Variants in LNX1 observed in about 807,000 individuals in gnomAD.
LNX1 encodes E3 ubiquitin-protein ligase LNX.
In LNX1, 54 loss-of-function variants were observed where a neutral mutation model predicts 68.4. The observed-to-expected ratio is 0.79, with a 90% CI of 0.63 to 0.99. The LOEUF is 0.99. Ranked by LOEUF, LNX1 falls within the 50% of genes least tolerant of loss-of-function variation. The pLI, the probability that LNX1 is intolerant of heterozygous loss-of-function variation, is 0.00. For synonymous variants in LNX1, 336 were observed against 350.0 expected (o/e 0.96, Z 0.45); for missense variants, 906 against 926.4 (o/e 0.98, Z 0.29).
At chr4:53,611,360 T>G (rs1408847032) in intron 2 of LNX1, among the ~76,000 whole-genome samples, 1 of 152,286 alleles carries the variant, frequency 6.6e-6, no homozygotes, top group East Asian at 1.9e-4. Context: ...TTTTCTTGGA[T>G]AGGAAAATTC....
intron 1 of LNX1, among the ~76,000 whole-genome samples, chr4:53,649,483 A>C (rs955599551): frequency 2.6e-5 from 4 of 152,206 alleles, no homozygotes; most frequent in African/African-American, 4.8e-5. Context: ...CTGGCTCCAG[A>C]GCTCTTGTCC....
chr4:53,610,655 C>T (rs1733445925), intron 2 of LNX1, among the ~76,000 whole-genome samples: 5 of 143,576 alleles, frequency 3.5e-5, no homozygotes, highest in African/African-American at 1.3e-4. Flanking sequence ...CTGCAGTGAG[C>T]CGAGATCGCA....
At chr4:53,486,428 C>T (rs1342703966) in intron 6 of LNX1, among the ~76,000 whole-genome samples, 1 of 152,318 alleles carries the variant, frequency 6.6e-6, no homozygotes, top group East Asian at 1.9e-4. Flanking sequence ...GGTTCTGATG[C>T]CATCCATATT....
intron 1 of LNX1, among the ~76,000 whole-genome samples, chr4:53,586,983 T>C (rs1193495329): frequency 6.6e-6 from 1 of 152,164 alleles, no homozygotes; most frequent in Non-Finnish European, 1.5e-5. Context: ...ACACAAATCC[T>C]CTTTGTCATT....
At chr4:53,498,570 T>C (rs1366854156) in intron 5 of LNX1, 71 bp downstream of exon 5, 4 of 1,055,964 alleles carry the variant, frequency 3.8e-6, no homozygotes, top group Non-Finnish European at 5.9e-6. Flanking sequence ...CATCCATCTA[T>C]CCAATTGTTT....
chr4:53,581,899 C>T (rs1213932659), intron 1 of LNX1, among the ~76,000 whole-genome samples: 2 of 152,208 alleles, frequency 1.3e-5, no homozygotes, highest in East Asian at 1.9e-4. Context: ...CTTTAGCTTA[C>T]TGATCTTGTC....
chr4:53,502,538 A>G (rs1725582584), intron 4 of LNX1, among the ~76,000 whole-genome samples: 1 of 152,184 alleles, frequency 6.6e-6, no homozygotes, highest in South Asian at 2.1e-4. Context: ...TCTTGCCTTG[A>G]TGTTGATGGC....
intron 1 of LNX1, among the ~76,000 whole-genome samples, chr4:53,583,442 T>C (rs566966952): frequency 2.0e-5 from 3 of 152,358 alleles, no homozygotes; most frequent in Admixed American, 1.3e-4. Context: ...TGGTTAGCTC[T>C]GCTTCTGCTT....
intron 2 of LNX1, among the ~76,000 whole-genome samples, chr4:53,512,921 A>C (rs1726461865): frequency 6.6e-6 from 1 of 152,070 alleles, no homozygotes. Flanking sequence ...CTCCCTGAGC[A>C]CTCGGGTGAG....
intron 1 of LNX1, among the ~76,000 whole-genome samples, chr4:53,643,455 C>A (rs1030437838): frequency 5.9e-5 from 9 of 151,980 alleles, no homozygotes; most frequent in South Asian, 2.1e-4. Flanking sequence ...GGTCAAGAAA[C>A]CTTGGTCTTT....
chr4:53,468,994 T>C (rs559893103), intron 9 of LNX1, among the ~76,000 whole-genome samples: 1 of 152,270 alleles, frequency 6.6e-6, no homozygotes, highest in Non-Finnish European at 1.5e-5. Flanking sequence ...GCAGACCTAA[T>C]AGACATCTAC....
rs1043682444 is a variant in LNX1 at position 53,575,462 on chromosome 4, G to A, written c.-86-1374C>T. On this transcript the variant is annotated intron_variant, in intron 1 of 10. Coordinates refer to ENST00000263925, the MANE Select transcript of LNX1 (RefSeq NM_001126328.3). ...CTGAGCTAGGTCATGAGTTTGATATGCAGACCTTTGAGAGAGACTTAAAGG... is the reference window on the plus strand; with the variant it reads ...CTGAGCTAGGTCATGAGTTTGATATACAGACCTTTGAGAGAGACTTAAAGG... 6.2e-6 allele frequency: 6 copies of A among 973,432 alleles called. No individual in the cohort carries two copies. The African/African-American group carries it at 8.8e-5, about 14-fold the overall frequency. 60.3% of individuals were successfully genotyped at this position (973,432 alleles called of 1,614,324 possible).
intron 2 of LNX1, among the ~76,000 whole-genome samples, chr4:53,613,557 T>C (rs1733574665): frequency 6.6e-6 from 1 of 152,074 alleles, no homozygotes; most frequent in Non-Finnish European, 1.5e-5. Context: ...TCCAATGCGG[T>C]ATTTGGTTTT....
chr4:53,507,986 C>T lies in LNX1; in HGVS notation c.622G>A (p.Ala208Thr). 2 of 1,613,308 alleles carry T rather than the reference C, an allele frequency of 1.2e-6. No homozygotes were observed. The highest frequency in any genetic ancestry group is 1.3e-5 in the African/African-American group (1 of 75,022). Residue 208 changes from alanine to threonine, a missense_variant and splice_region_variant, in exon 3 of 11, where the codon GCA becomes ACA. Physicochemically the swap from Ala to Thr is moderately conservative, Grantham distance 58. Transcript: ENST00000263925. ...CCGGACAACCACCCATTTGACTCAC[C>T]CCTAGTTCGGTTGCTCCGGCCAGAG... ...VDSGRSNRTR[A>T]RPFERSTIRS...
chr4:53,645,007 C>G (rs140334180), intron 1 of LNX1, among the ~76,000 whole-genome samples: 1 of 152,262 alleles, frequency 6.6e-6, no homozygotes, highest in East Asian at 1.9e-4. Context: ...TTGCCAACAG[C>G]AGGAGAGTGA....
chr4:53,636,666 A>C (rs1734492573), intron 1 of LNX1, among the ~76,000 whole-genome samples: 1 of 152,076 alleles, frequency 6.6e-6, no homozygotes, highest in East Asian at 1.9e-4. Flanking sequence ...ACTTACTTTG[A>C]TAGTAATTTG....
intron 2 of LNX1, among the ~76,000 whole-genome samples, chr4:53,569,608 G>A (rs1395913981): frequency 6.7e-6 from 1 of 149,832 alleles, no homozygotes; most frequent in Non-Finnish European, 1.5e-5. Context: ...CATGGGCAAG[G>A]ACTTCATGTT....
intron 2 of LNX1, among the ~76,000 whole-genome samples, chr4:53,527,061 A>AAC (rs1367146638): frequency 1.3e-5 from 2 of 151,238 alleles, no homozygotes; most frequent in Non-Finnish European, 3.0e-5. Context: ...TAAAAAAAAA[A>AAC]AAAAAAAAAA....
Position 53,460,730 on chromosome 4 carries a change from T to C in LNX1, c.*177A>G, listed in dbSNP as rs1270192958. 6 of 590,152 alleles carry C rather than the reference T, an allele frequency of 1.0e-5. No homozygotes were observed. Among genetic ancestry groups the C allele is most frequent in the Non-Finnish European group, 1.7e-5 (6 of 354,496 alleles). 36.6% of individuals were successfully genotyped at this position (590,152 alleles called of 1,614,324 possible). A position where few individuals can be genotyped will look rare whatever the true frequency, so the allele number is the denominator to read the frequency against. ...ACTGAAAAAAAACTAGTAGTTTTAA[T>C]TTTTTTGGAATCATATTTTCTGAGG... On this transcript the variant is annotated 3_prime_UTR_variant, in exon 11 of 11. Transcript: ENST00000263925.
Sources: gnomAD v4.1 joint callset for allele counts (sites outside exome capture counted in the v4.1 genomes callset) on GRCh38, gnomAD v4.1.1 for gene constraint, MANE v1.5 for transcripts, NCBI Gene and HGNC (gene_info 2026-07-23, HGNC 2026-07-21) for gene names.